ATP6V0E1: variants seen among roughly 807,000 people sequenced by gnomAD.
The protein encoded by ATP6V0E1 is ATPase H+ transporting V0 subunit e1, also known as V-type proton ATPase subunit e 1.
ATP6V0E1 carries 4 observed loss-of-function variants against 11.6 expected under a neutral mutation model. That is an observed-to-expected ratio of 0.35 (90% CI 0.17 to 0.79). ATP6V0E1 has a LOEUF of 0.79. ATP6V0E1 is among the 30% of genes least tolerant of loss of function. The pLI is 0.54. For synonymous variants in ATP6V0E1, 36 were observed against 34.8 expected, an observed-to-expected ratio of 1.04 and a Z score of -0.13; for missense variants, 105 against 100.0, an observed-to-expected ratio of 1.05 and a Z score of -0.21.
intron 1 of ATP6V0E1, 146 bp from the exon 2 acceptor site, chr5:172,994,629 C>G: frequency 1.6e-6 from 1 of 644,528 alleles, no homozygotes; most frequent in South Asian, 2.4e-5. Context: ...CCGCAGTTTG[C>G]TGGATATTTG....
At chr5:173,004,836 T>C (rs945835263) in intron 2 of ATP6V0E1, among the ~76,000 whole-genome samples, 1 of 152,188 alleles carries the variant, frequency 6.6e-6, no homozygotes, top group Admixed American at 6.5e-5. Flanking sequence ...TCATGCCTTG[T>C]TTTTGTTTTT....
At position 173,014,929 on chromosome 5, in the gene ATP6V0E1, A is replaced by T. The variant is rs191266541; in HGVS notation, c.153-5309A>T. 3.3e-5 allele frequency among the ~76,000 whole-genome samples: 5 copies of T among 152,348 alleles called. 1 individual carries two copies. The highest frequency in any genetic ancestry group is 3.3e-4 in the Admixed American group (5 of 15,304). On this transcript the variant is annotated intron_variant, in intron 2 of 3. Coordinates refer to ENST00000519374, the MANE Select transcript of ATP6V0E1 (RefSeq NM_003945.4). ...TGATACCAACACAGAGAAATGGTAA[A>T]TACGAAGAAAAAACAGTTTCTAAAT...
chr5:172,984,057 A>G, intron 1 of ATP6V0E1, 93 bp downstream of exon 1: 2 of 1,244,014 alleles, frequency 1.6e-6, no homozygotes, highest in East Asian at 2.3e-5. Flanking sequence ...GGGTCAGAGA[A>G]CGTTGCATGG....
intron 2 of ATP6V0E1, among the ~76,000 whole-genome samples, chr5:172,999,406 C>T: frequency 6.6e-6 from 1 of 152,082 alleles, no homozygotes; most frequent in East Asian, 1.9e-4. Flanking sequence ...TCACTGCAGC[C>T]TCAAACTCCT....
intron 2 of ATP6V0E1, among the ~76,000 whole-genome samples, chr5:173,008,148 T>TAAAGTA (rs1010455430): frequency 3.3e-5 from 5 of 152,146 alleles, no homozygotes; most frequent in African/African-American, 1.2e-4. Context: ...ACAGGAGAAA[T>TAAAGTA]AAAGTAATTC....
intron 1 of ATP6V0E1, among the ~76,000 whole-genome samples, chr5:172,993,679 A>AAC (rs1554118431): frequency 1.3e-5 from 1 of 79,406 alleles, no homozygotes; most frequent in East Asian, 5.6e-4. Context: ...ACATATTGAG[A>AAC]CCCCCCCCCC....
At chr5:173,006,805 T>G (rs1050010103) in intron 2 of ATP6V0E1, among the ~76,000 whole-genome samples, 1 of 147,374 alleles carries the variant, frequency 6.8e-6, no homozygotes, top group Non-Finnish European at 1.5e-5. Flanking sequence ...GTTTTGGGGG[T>G]TTTTTTTGGC....
intron 3 of ATP6V0E1, among the ~76,000 whole-genome samples, chr5:173,029,104 A>C (rs1213243856): frequency 6.6e-6 from 1 of 152,106 alleles, no homozygotes; most frequent in Non-Finnish European, 1.5e-5. Context: ...GCCCTGTGGG[A>C]GCTGTTTTTC....
chr5:173,026,022 AG>A (rs904484767), intron 3 of ATP6V0E1, among the ~76,000 whole-genome samples: 28 of 151,764 alleles, frequency 1.8e-4, no homozygotes. Context: ...TTTTCGAGAC[AG>A]GGTCTCACTG....
intron 3 of ATP6V0E1, among the ~76,000 whole-genome samples, chr5:173,032,263 TTATTTATTTA>T (rs1561778692): frequency 2.2e-5 from 3 of 139,218 alleles, no homozygotes; most frequent in African/African-American, 8.4e-5. Flanking sequence ...ATTTATTTAT[TTATTTATTTA>T]TTTATTTATT....
chr5:172,991,428 A>G (rs551126967), intron 1 of ATP6V0E1, among the ~76,000 whole-genome samples: 1 of 152,284 alleles, frequency 6.6e-6, no homozygotes, highest in East Asian at 1.9e-4. Flanking sequence ...GTTCTATGAG[A>G]TGGTCTTTTG....
At chr5:172,997,685 T>C (rs1473480900) in intron 2 of ATP6V0E1, among the ~76,000 whole-genome samples, 1 of 151,744 alleles carries the variant, frequency 6.6e-6, no homozygotes, top group Non-Finnish European at 1.5e-5. Flanking sequence ...TGGTGGTGGG[T>C]GCCTGTAGTC....
At chr5:173,026,217 A>G (rs1756556255) in intron 3 of ATP6V0E1, among the ~76,000 whole-genome samples, 1 of 151,894 alleles carries the variant, frequency 6.6e-6, no homozygotes, top group East Asian at 1.9e-4. Flanking sequence ...GATGGTCTCA[A>G]ACTCCTGGGC....
At position 173,034,754 on chromosome 5, in the gene ATP6V0E1, C is replaced by T; in HGVS notation, c.*392C>T. The T allele has an allele frequency of 6.2e-6, 2 of 323,258 alleles. No individual in the cohort carries two copies. Among genetic ancestry groups the T allele is most frequent in the Non-Finnish European group, 1.2e-5 (2 of 170,900 alleles). The allele number at this position is 323,258 out of a possible 1,614,324, so 20.0% of individuals were successfully genotyped here. ...AGAAACTGCTGCAAGACAAACAAGA[C>T]TCCAGTGGGGTGGTCAGTAGGAGAG... On this transcript the variant is annotated 3_prime_UTR_variant, in exon 4 of 4. Coordinates refer to ENST00000519374, the MANE Select transcript of ATP6V0E1 (RefSeq NM_003945.4).
At chr5:173,029,032 T>C (rs1361383507) in intron 3 of ATP6V0E1, among the ~76,000 whole-genome samples, 1 of 152,180 alleles carries the variant, frequency 6.6e-6, no homozygotes, top group South Asian at 2.1e-4. Flanking sequence ...GGCATAGAAA[T>C]GCTGTTTTAT....
At chr5:172,996,720 A>G (rs1199174586) in intron 2 of ATP6V0E1, among the ~76,000 whole-genome samples, 1 of 152,228 alleles carries the variant, frequency 6.6e-6, no homozygotes, top group Non-Finnish European at 1.5e-5. Flanking sequence ...CTTCAAAGGC[A>G]TTCCAATTTG....
intron 2 of ATP6V0E1, among the ~76,000 whole-genome samples, chr5:173,003,797 A>G (rs2113591884): frequency 6.6e-6 from 1 of 152,342 alleles, no homozygotes; most frequent in East Asian, 1.9e-4. Flanking sequence ...CATGCTAATT[A>G]GGACTGAGAT....
Position 173,020,294 on chromosome 5 carries a change from A to T in ATP6V0E1, c.209A>T (p.Asn70Ile). The T allele has an allele frequency of 6.2e-7, 1 of 1,614,014 alleles. No homozygotes were observed. The highest frequency in any genetic ancestry group is 8.5e-7 in the Non-Finnish European group (1 of 1,179,890). The change falls in exon 3 of 4, where the codon AAT becomes ATT. Residue 70 changes from asparagine (N) to isoleucine (I), a missense_variant. Physicochemically the swap from Asn to Ile is moderately radical, Grantham distance 149. Coordinates refer to ENST00000519374, the MANE Select transcript of ATP6V0E1 (RefSeq NM_003945.4). ...CCTCTCTTTGGACCGCAATTGAAAAATGAAACCATCTGGTATCTGAAGTAT... is the reference window on the plus strand; with the variant it reads ...CCTCTCTTTGGACCGCAATTGAAAATTGAAACCATCTGGTATCTGAAGTAT... ...LNPLFGPQLK[N>I]ETIWYLKYHW...
chr5:172,993,681 C>A lies in ATP6V0E1; in HGVS notation c.105-1094C>A, dbSNP rs1439482233. On this transcript the variant is annotated intron_variant, in intron 1 of 3. Coordinates refer to ENST00000519374, the MANE Select transcript of ATP6V0E1 (RefSeq NM_003945.4). ...TACAACCTGGTCAACATATTGAGAC[C>A]CCCCCCCCCGACCCCACCTCTCCAA... 3.7e-5 allele frequency among the ~76,000 whole-genome samples: 4 copies of A among 108,644 alleles called. No homozygotes were observed. The East Asian group carries it at 9.8e-4, about 27-fold the overall frequency. The allele number at this position is 108,644 out of a possible 152,430, so 71.3% of individuals were successfully genotyped here.
Sources: allele counts gnomAD v4.1 joint callset (sites outside exome capture counted in the v4.1 genomes callset), GRCh38; gene constraint gnomAD v4.1.1; transcripts MANE v1.5; gene names NCBI Gene and HGNC (gene_info 2026-07-23, HGNC 2026-07-21).